LRRC20: variants seen among roughly 807,000 people sequenced by gnomAD.
The protein encoded by LRRC20 is leucine-rich repeat-containing protein 20.
In LRRC20, 11 loss-of-function variants were observed where a neutral mutation model predicts 14.4. The observed-to-expected ratio is 0.77, with a 90% CI of 0.48 to 1.27. LRRC20 has a LOEUF of 1.27. Among genes scored for constraint, LRRC20 ranks in the 50% most tolerant of loss-of-function variants. The probability of loss-of-function intolerance (pLI) is 0.00; values close to 1 mark genes in which losing one functional copy is unlikely to be tolerated. For missense variants in LRRC20, 219 were observed against 251.2 expected (o/e 0.87, Z 0.87); for synonymous variants, 121 against 107.3 (o/e 1.13, Z -0.79).
chr10:70,329,638 T>C (rs1842460976), intron 3 of LRRC20, among the ~76,000 whole-genome samples: 1 of 149,558 alleles, frequency 6.7e-6, no homozygotes, highest in Non-Finnish European at 1.5e-5. Context: ...CTCGGCTCAC[T>C]GCAACTTCTG....
intron 4 of LRRC20, among the ~76,000 whole-genome samples, chr10:70,318,469 G>A (rs1399111345): frequency 3.9e-5 from 6 of 152,278 alleles, no homozygotes; most frequent in African/African-American, 2.4e-5. Flanking sequence ...TAAAAGTGCC[G>A]CTAGCCAGGT....
chr10:70,356,268 T>A (rs1034210298), intron 2 of LRRC20, among the ~76,000 whole-genome samples: 1 of 152,156 alleles, frequency 6.6e-6, no homozygotes, highest in Non-Finnish European at 1.5e-5. Flanking sequence ...CCCAAGCACT[T>A]TGGGAGGCCA....
chr10:70,327,532 G>A (rs1842374372), intron 3 of LRRC20, among the ~76,000 whole-genome samples: 1 of 151,124 alleles, frequency 6.6e-6, no homozygotes, highest in Non-Finnish European at 1.5e-5. Context: ...CAGTAGCTGA[G>A]ATCGCACCAC....
intron 3 of LRRC20, among the ~76,000 whole-genome samples, chr10:70,337,953 A>T (rs78874600): frequency 0.036 from 5,413 of 152,212 alleles, 155 homozygotes; most frequent in East Asian, 0.095. Flanking sequence ...GGGCCCGGAC[A>T]GCCCCACCCT....
In LRRC20 at chr10:70,360,346, C is replaced by A. The variant is rs540685311; in HGVS notation, c.82+16106G>T. 1.1e-3 allele frequency among the ~76,000 whole-genome samples: 174 copies of A among 152,176 alleles called. 2 individuals are homozygous for A. Among genetic ancestry groups the A allele is most frequent in the Non-Finnish European group, 1.3e-3 (87 of 67,988 alleles). On this transcript the variant is annotated intron_variant, in intron 2 of 4. Coordinates refer to ENST00000446961, the MANE Select transcript of LRRC20 (RefSeq NM_001278212.2). ...GGGATTACAGGTGTGAGTCACCACA[C>A]CTGGTTCCTCATTGCTTTCCTCCTC...
intron 2 of LRRC20, among the ~76,000 whole-genome samples, chr10:70,375,374 G>C (rs1844466965): frequency 6.6e-6 from 1 of 152,184 alleles, no homozygotes; most frequent in Non-Finnish European, 1.5e-5. Flanking sequence ...GTGCTACAGA[G>C]GAGAAAGGGA....
rs181024873 is a variant in LRRC20, at chr10:70,355,358, T to C, written c.83-14656A>G. On this transcript the variant is annotated intron_variant, in intron 2 of 4. Transcript: ENST00000446961. ...CACTTTCAGGTCTTTGGGGGTGTTT[T>C]ACTCCCGATCTCTAGAGCAATGTTT... Among the ~76,000 whole-genome samples the C allele has an allele frequency of 2.0e-5, 3 of 152,300 alleles. No homozygotes were observed. The East Asian group carries it at 5.8e-4, about 29-fold the overall frequency.
intron 4 of LRRC20, among the ~76,000 whole-genome samples, chr10:70,303,841 A>C (rs1171325434): frequency 1.3e-5 from 2 of 152,158 alleles, no homozygotes. Flanking sequence ...TATTTCCTCA[A>C]ACAGAATTAA....
At chr10:70,309,638 C>T (rs1303176672) in intron 4 of LRRC20, among the ~76,000 whole-genome samples, 6 of 152,256 alleles carry the variant, frequency 3.9e-5, no homozygotes, top group Non-Finnish European at 4.4e-5. Flanking sequence ...GCTGCTGTCA[C>T]CCCTTCTCCC....
Position 70,324,597 on chromosome 10 carries a change from G to A in LRRC20, c.233-567C>T, listed in dbSNP as rs557221636. Among the ~76,000 whole-genome samples the A allele has an allele frequency of 2.0e-5, 3 of 152,346 alleles. No homozygotes were observed. The South Asian group carries it at 6.2e-4, about 32-fold the overall frequency. On this transcript the variant is annotated intron_variant, in intron 3 of 4. Transcript: ENST00000446961. Reference sequence around the variant, plus strand: ...AAAGCTGGCCAGCGACCTGTGCAGGGACCTGTGTGGGAAGGCAGCTGGGCC... The same window carrying A: ...AAAGCTGGCCAGCGACCTGTGCAGGAACCTGTGTGGGAAGGCAGCTGGGCC...
At chr10:70,375,479 C>CCTCT (rs58028984) in intron 2 of LRRC20, among the ~76,000 whole-genome samples, 1 of 152,022 alleles carries the variant, frequency 6.6e-6, no homozygotes, top group Non-Finnish European at 1.5e-5. Context: ...TCCTGGACCA[C>CCTCT]CTCTCTGCCT....
At chr10:70,340,768 C>G in intron 2 of LRRC20, 66 bp from the exon 3 acceptor site, 1 of 1,557,346 alleles carries the variant, frequency 6.4e-7, no homozygotes, top group Non-Finnish European at 8.8e-7. Context: ...TTGTCCCAGA[C>G]TCACACAGAC....
At chr10:70,358,349 C>A (rs1843605818) in intron 2 of LRRC20, among the ~76,000 whole-genome samples, 1 of 152,218 alleles carries the variant, frequency 6.6e-6, no homozygotes, top group African/African-American at 2.4e-5. Context: ...GAGAGCCACA[C>A]CCGCTGAACC....
chr10:70,380,208 AAAC>A (rs1019839135), intron 1 of LRRC20, among the ~76,000 whole-genome samples: 2 of 152,306 alleles, frequency 1.3e-5, no homozygotes, highest in Admixed American at 1.3e-4. Flanking sequence ...ACAGGAACAG[AAAC>A]AACATGTAAA....
intron 4 of LRRC20, among the ~76,000 whole-genome samples, chr10:70,316,782 C>G (rs1347973904): frequency 2.6e-5 from 4 of 152,272 alleles, no homozygotes; most frequent in African/African-American, 9.6e-5. Context: ...CACTGTTTGT[C>G]TAATGACCAC....
chr10:70,350,301 G>C (rs994190705), intron 2 of LRRC20, among the ~76,000 whole-genome samples: 2 of 152,196 alleles, frequency 1.3e-5, no homozygotes, highest in African/African-American at 4.8e-5. Context: ...GGCGGTAGCA[G>C]TACAATAAAC....
Position 70,300,407 on chromosome 10 carries a change from G to A in LRRC20, c.*947C>T. 1 of 985,520 alleles carries A rather than the reference G, an allele frequency of 1.0e-6. No homozygotes were observed. The highest frequency in any genetic ancestry group is 4.7e-5 in the South Asian group (1 of 21,284). The allele number at this position is 985,520 out of a possible 1,614,324, so 61.0% of individuals were successfully genotyped here. ...AAGAACCAGGTCATCAGGGCTTTGG[G>A]CGTTGGCCTGGGAGCTGGCTGGCTA... On this transcript the variant is annotated 3_prime_UTR_variant, in exon 5 of 5. Transcript: ENST00000446961.
At chr10:70,381,225 A>G (rs1333778371) in intron 1 of LRRC20, among the ~76,000 whole-genome samples, 1 of 152,244 alleles carries the variant, frequency 6.6e-6, no homozygotes, top group Non-Finnish European at 1.5e-5. Context: ...AGTAACTGAT[A>G]TGTAACTTTT....
intron 4 of LRRC20, among the ~76,000 whole-genome samples, chr10:70,304,590 T>C (rs916998792): frequency 2.7e-5 from 4 of 150,904 alleles, no homozygotes; most frequent in Non-Finnish European, 5.9e-5. Context: ...TTTACCATAC[T>C]AACCATTTTT....
Sources: allele counts gnomAD v4.1 joint callset (sites outside exome capture counted in the v4.1 genomes callset), GRCh38; gene constraint gnomAD v4.1.1; transcripts MANE v1.5; gene names NCBI Gene and HGNC (gene_info 2026-07-23, HGNC 2026-07-21).